The following CDH12 variants were observed in gnomAD, a reference collection of about 807,000 sequenced individuals.
CDH12 encodes cadherin-12.
In CDH12, 41 loss-of-function variants were observed where a neutral mutation model predicts 74.1. That is an observed-to-expected ratio of 0.55 (90% CI 0.43 to 0.72). The LOEUF (loss-of-function observed/expected upper bound fraction) is 0.72, where lower values mean the gene tolerates loss of function less well. CDH12 is among the 30% of genes least tolerant of loss of function. CDH12 has a pLI of 0.00. For missense variants in CDH12, 945 were observed against 977.2 expected (o/e 0.97, Z 0.44); for synonymous variants, 399 against 355.0 (o/e 1.12, Z -1.39).
At chr5:22,802,948 A>G (rs1748612086) in intron 1 of CDH12, among the ~76,000 whole-genome samples, 1 of 152,082 alleles carries the variant, frequency 6.6e-6, no homozygotes, top group South Asian at 2.1e-4. Context: ...CTTGAAATTC[A>G]TCATAAAGAC....
intron 4 of CDH12, among the ~76,000 whole-genome samples, chr5:22,158,284 C>T (rs1402225295): frequency 6.6e-6 from 1 of 152,014 alleles, no homozygotes; most frequent in Non-Finnish European, 1.5e-5. Context: ...TGGTGATAAA[C>T]ACCATTTGGA....
intron 4 of CDH12, among the ~76,000 whole-genome samples, chr5:22,137,804 C>T (rs1481576233): frequency 1.6e-4 from 24 of 152,026 alleles, no homozygotes; most frequent in Non-Finnish European, 1.8e-4. Context: ...CAAAACTGGG[C>T]CCCATGGACC....
In CDH12 at chr5:22,481,493, C is replaced by T. The variant is rs1746382477; in HGVS notation, c.-428+23777G>A. ...AGATGAATTGATAGAGAAAATGTGG[C>T]GTATTTACAGTGGTATATTATTGAG... is the stretch of plus-strand genomic sequence containing the variant. On this transcript the variant is annotated intron_variant, in intron 2 of 14. Coordinates refer to ENST00000382254, the MANE Select transcript of CDH12 (RefSeq NM_004061.5). Among the ~76,000 whole-genome samples the T allele has an allele frequency of 2.0e-5, 3 of 151,968 alleles. No individual in the cohort carries two copies. In the South Asian group the frequency reaches 6.2e-4, roughly 32 times the overall value.
At chr5:22,454,918 A>G (rs1482444788) in intron 2 of CDH12, among the ~76,000 whole-genome samples, 1 of 152,212 alleles carries the variant, frequency 6.6e-6, no homozygotes, top group Non-Finnish European at 1.5e-5. Context: ...ATCTGGAAGG[A>G]ACACAAACAT....
chr5:22,394,265 C>T (rs776003843), intron 3 of CDH12, among the ~76,000 whole-genome samples: 2 of 152,096 alleles, frequency 1.3e-5, no homozygotes, highest in Non-Finnish European at 2.9e-5. Flanking sequence ...GGACTCTCGT[C>T]TAATGATATG....
intron 3 of CDH12, among the ~76,000 whole-genome samples, chr5:22,379,947 C>A (rs1741689813): frequency 6.6e-6 from 1 of 152,162 alleles, no homozygotes; most frequent in Non-Finnish European, 1.5e-5. Flanking sequence ...TTTGTAGAGA[C>A]AAGGTCTCTC....
intron 3 of CDH12, chr5:22,278,148 T>C (rs1037938366): frequency 1.3e-5 from 2 of 152,218 alleles, no homozygotes; most frequent in South Asian, 4.1e-4. Context: ...AGAGAAGATG[T>C]TTTACATATT....
chr5:22,756,336 AC>A (rs1329998522), intron 1 of CDH12, among the ~76,000 whole-genome samples: 3 of 152,102 alleles, frequency 2.0e-5, no homozygotes, highest in Non-Finnish European at 4.4e-5. Flanking sequence ...CCCTTTAGAA[AC>A]CTTTATTTAG....
At chr5:22,420,721 C>G (rs2126495296) in intron 2 of CDH12, among the ~76,000 whole-genome samples, 1 of 152,172 alleles carries the variant, frequency 6.6e-6, no homozygotes. Flanking sequence ...TTTTATAAGT[C>G]TGTGAAGAAT....
chr5:22,761,219 CT>C lies in CDH12; in HGVS notation c.-523+91838del, dbSNP rs1746210716. Among the ~76,000 whole-genome samples the C allele has an allele frequency of 2.6e-5, 4 of 152,286 alleles. No individual in the cohort carries two copies. The South Asian group carries it at 6.2e-4, about 24-fold the overall frequency. On this transcript the variant is annotated intron_variant, in intron 1 of 14. Transcript: ENST00000382254. ...ACCTGAGCATAAAATTGCCACCCAG[CT>C]TTTCATGAAGACTGAAGAAGTATTC...
chr5:22,800,055 G>A (rs371217818), intron 1 of CDH12, among the ~76,000 whole-genome samples: 108 of 152,264 alleles, frequency 7.1e-4, no homozygotes, highest in Middle Eastern at 3.4e-3. Context: ...GAGGTCTGGG[G>A]AAAATGGTTT....
rs61335490 is a variant in CDH12, at chr5:22,777,451, T to A, written c.-523+75607A>T. On this transcript the variant is annotated intron_variant, in intron 1 of 14. Transcript: ENST00000382254. Reference sequence around the variant, plus strand: ...AATTCTAATTTTGGGTCTGGATTATTTGGGATGAGTAAGAATAATAACATT... The same window carrying A: ...AATTCTAATTTTGGGTCTGGATTATATGGGATGAGTAAGAATAATAACATT... Among the ~76,000 whole-genome samples the A allele has an allele frequency of 5.4e-3, 828 of 152,226 alleles. 8 individuals are homozygous for A. Among genetic ancestry groups the A allele is most frequent in the African/African-American group, 0.019 (785 of 41,560 alleles).
intron 2 of CDH12, among the ~76,000 whole-genome samples, chr5:22,426,059 C>T (rs201732729): frequency 3.0e-4 from 45 of 151,818 alleles, no homozygotes; most frequent in East Asian, 2.7e-3. Flanking sequence ...TGGTGGCGGG[C>T]GCCTGTAGTT....
intron 1 of CDH12, among the ~76,000 whole-genome samples, chr5:22,637,126 A>G (rs190104632): frequency 1.8e-4 from 27 of 152,380 alleles, no homozygotes; most frequent in African/African-American, 5.8e-4. Flanking sequence ...ATTAATAAAC[A>G]CATTAGTAAA....
At chr5:22,133,046 T>C (rs1746263081) in intron 4 of CDH12, among the ~76,000 whole-genome samples, 1 of 152,190 alleles carries the variant, frequency 6.6e-6, no homozygotes, top group South Asian at 2.1e-4. Context: ...TCTGTTTGAA[T>C]ACTTTGATGA....
intron 6 of CDH12, among the ~76,000 whole-genome samples, chr5:21,924,164 T>G (rs1387209006): frequency 6.6e-6 from 1 of 152,190 alleles, no homozygotes; most frequent in Non-Finnish European, 1.5e-5. Context: ...CATGCACTTT[T>G]TTCCCTGTTG....
At chr5:22,006,489 A>C (rs2150148700) in intron 5 of CDH12, among the ~76,000 whole-genome samples, 1 of 152,026 alleles carries the variant, frequency 6.6e-6, no homozygotes, top group African/African-American at 2.4e-5. Flanking sequence ...TATGTCTATA[A>C]ATGTGTAAAT....
At chr5:22,825,298 GACA>G (rs150815757) in intron 1 of CDH12, among the ~76,000 whole-genome samples, 29,167 of 151,820 alleles carry the variant, frequency 0.19, 3,204 homozygotes, top group East Asian at 0.41. Flanking sequence ...AGAAAAAGGA[GACA>G]ACAAATTAGA....
intron 4 of CDH12, among the ~76,000 whole-genome samples, chr5:22,171,749 C>T (rs1749043609): frequency 6.6e-6 from 1 of 151,960 alleles, no homozygotes; most frequent in Non-Finnish European, 1.5e-5. Context: ...TAACCACTCC[C>T]TTAGACTGCA....
Sources: allele counts gnomAD v4.1 joint callset (sites outside exome capture counted in the v4.1 genomes callset), GRCh38; gene constraint gnomAD v4.1.1; transcripts MANE v1.5; gene names NCBI Gene and HGNC (gene_info 2026-07-23, HGNC 2026-07-21).